The following FER variants were observed in gnomAD, a reference collection of about 807,000 sequenced individuals.
FER encodes the protein tyrosine-protein kinase Fer.
In FER, 63 loss-of-function variants were observed where a neutral mutation model predicts 111.0. The observed-to-expected ratio is 0.57, with a 90% CI of 0.46 to 0.70. The LOEUF is 0.70. Ranked by LOEUF, FER falls within the 30% of genes least tolerant of loss-of-function variation. FER has a pLI of 0.00. For synonymous variants in FER, 327 were observed against 313.9 expected (o/e 1.04, Z -0.44); for missense variants, 914 against 954.0 (o/e 0.96, Z 0.55).
chr5:108,922,070 CAG>C (rs1753093177), intron 10 of FER, among the ~76,000 whole-genome samples: 1 of 152,102 alleles, frequency 6.6e-6, no homozygotes, highest in Non-Finnish European at 1.5e-5. Flanking sequence ...CATGAGAAGA[CAG>C]AGGCAGATAT....
intron 16 of FER, chr5:109,051,461 G>A: frequency 1.2e-6 from 2 of 1,613,034 alleles, no homozygotes; most frequent in Non-Finnish European, 1.7e-6. Flanking sequence ...AAATCAAAAG[G>A]CTGTGCGTGG....
intron 16 of FER, among the ~76,000 whole-genome samples, chr5:109,096,838 A>T (rs1423191108): frequency 6.6e-6 from 1 of 151,712 alleles, no homozygotes; most frequent in Non-Finnish European, 1.5e-5. Flanking sequence ...TGAATCAGGG[A>T]AAATAGATGT....
At chr5:109,071,682 C>G (rs1775781395) in intron 16 of FER, among the ~76,000 whole-genome samples, 1 of 151,234 alleles carries the variant, frequency 6.6e-6, no homozygotes. Flanking sequence ...TGTTCCAATT[C>G]AAAAAAGTAG....
At chr5:109,007,205 T>G (rs1015743025) in intron 13 of FER, among the ~76,000 whole-genome samples, 2 of 152,210 alleles carry the variant, frequency 1.3e-5, no homozygotes, top group African/African-American at 4.8e-5. Context: ...GTATTAACAT[T>G]ATATCAGTAT....
At chr5:109,027,232 C>G (rs771218789) in intron 13 of FER, among the ~76,000 whole-genome samples, 4 of 151,870 alleles carry the variant, frequency 2.6e-5, no homozygotes, top group Non-Finnish European at 4.4e-5. Context: ...TAATTAAGTC[C>G]TCATGTTGAA....
At position 109,195,055 on chromosome 5, in the gene FER, A is replaced by T. The variant is rs1214599862; in HGVS notation, c.*7480A>T. 1 of 152,112 alleles carries T rather than the reference A, an allele frequency of 6.6e-6. No individual in the cohort carries two copies. Among genetic ancestry groups the T allele is most frequent in the African/African-American group, 2.4e-5 (1 of 41,426 alleles). 9.4% of individuals were successfully genotyped at this position (152,112 alleles called of 1,614,324 possible). A position where few individuals can be genotyped will look rare whatever the true frequency, so the allele number is the denominator to read the frequency against. On this transcript the variant is annotated 3_prime_UTR_variant, in exon 20 of 20. Coordinates refer to ENST00000281092, the MANE Select transcript of FER (RefSeq NM_005246.4). ...CATTGGTCCGTGCTTTTATTTTTAA[A>T]CCCAAAAGAAAGAAAGAAACACACC...
At chr5:109,108,660 G>A (rs1247389859) in intron 17 of FER, among the ~76,000 whole-genome samples, 1 of 152,146 alleles carries the variant, frequency 6.6e-6, no homozygotes, top group Non-Finnish European at 1.5e-5. Context: ...CTGACCATTG[G>A]TTCAAGCATT....
At chr5:108,933,263 T>C (rs543075046) in intron 10 of FER, among the ~76,000 whole-genome samples, 12 of 152,318 alleles carry the variant, frequency 7.9e-5, no homozygotes, top group Admixed American at 1.3e-4. Flanking sequence ...CTTGAGTTAA[T>C]TTTTTAATAA....
intron 2 of FER, among the ~76,000 whole-genome samples, chr5:108,792,113 T>C (rs1755444789): frequency 1.3e-5 from 2 of 152,206 alleles, no homozygotes; most frequent in South Asian, 2.1e-4. Context: ...AATCAGAAAG[T>C]GTGAATCTTC....
intron 5 of FER, among the ~76,000 whole-genome samples, chr5:108,838,430 G>A (rs1236067478): frequency 1.3e-5 from 2 of 152,118 alleles, no homozygotes; most frequent in Non-Finnish European, 2.9e-5. Context: ...AGAGAAGACA[G>A]GCCTTGGGGA....
chr5:109,092,901 A>G (rs1238084324), intron 16 of FER, among the ~76,000 whole-genome samples: 2 of 152,180 alleles, frequency 1.3e-5, no homozygotes, highest in Non-Finnish European at 2.9e-5. Flanking sequence ...TGGGGTATAT[A>G]TATAAAATGG....
chr5:109,130,667 A>C (rs1389510498), intron 17 of FER, among the ~76,000 whole-genome samples: 1 of 147,394 alleles, frequency 6.8e-6, no homozygotes, highest in African/African-American at 2.4e-5. Flanking sequence ...CCTGTTGATA[A>C]ATTTTACGTT....
intron 13 of FER, among the ~76,000 whole-genome samples, chr5:108,992,157 G>GAC (rs1763271902): frequency 6.6e-6 from 1 of 152,102 alleles, no homozygotes; most frequent in South Asian, 2.1e-4. Flanking sequence ...ACCCTGAGTG[G>GAC]ACACAGCACA....
chr5:109,066,772 T>C (rs931640940), intron 16 of FER, among the ~76,000 whole-genome samples: 1 of 152,226 alleles, frequency 6.6e-6, no homozygotes, highest in Non-Finnish European at 1.5e-5. Flanking sequence ...ACCAGCTTTG[T>C]TCCATACAAA....
intron 3 of FER, among the ~76,000 whole-genome samples, chr5:108,828,253 G>A (rs1360369073): frequency 2.6e-5 from 4 of 152,050 alleles, no homozygotes; most frequent in Admixed American, 2.0e-4. Flanking sequence ...TCCTTAAAAA[G>A]CACTTTTGAT....
intron 13 of FER, among the ~76,000 whole-genome samples, chr5:108,992,458 A>G (rs1763329206): frequency 6.6e-6 from 1 of 151,348 alleles, no homozygotes. Context: ...GCGGCAGGGC[A>G]GAGGCGCCCC....
rs542724140 is a variant in FER at position 108,903,020 on chromosome 5, C to T, written c.1236+5172C>T. The stretch of plus-strand genomic sequence containing the variant: ...GTATATGCTGAATTAAATAATTGGA[C>T]TTCGTTTTCCCTTCAGAATAATCTG... On this transcript the variant is annotated intron_variant, in intron 10 of 19. Transcript: ENST00000281092. 9.4e-4 allele frequency among the ~76,000 whole-genome samples: 143 copies of T among 151,990 alleles called. 1 individual carries two copies. The highest frequency in any genetic ancestry group is 3.3e-3 in the African/African-American group (135 of 41,476).
intron 3 of FER, chr5:108,820,478 G>A (rs1758722680): frequency 1.0e-6 from 1 of 985,388 alleles, no homozygotes; most frequent in Non-Finnish European, 1.2e-6. Flanking sequence ...AGGAATAAAA[G>A]CAATTGAGGA....
chr5:108,867,189 A>C (rs1406440364), intron 5 of FER, among the ~76,000 whole-genome samples: 1 of 152,142 alleles, frequency 6.6e-6, no homozygotes. Flanking sequence ...AATGTTTAGC[A>C]CAGTTCCTAG....
Sources: allele counts gnomAD v4.1 joint callset (sites outside exome capture counted in the v4.1 genomes callset), GRCh38; gene constraint gnomAD v4.1.1; transcripts MANE v1.5; gene names NCBI Gene and HGNC (gene_info 2026-07-23, HGNC 2026-07-21).